The following C4orf50 variants were observed in gnomAD, a reference collection of about 807,000 sequenced individuals.
C4orf50 encodes the protein uncharacterized protein C4orf50.
Under a neutral mutation model 77.2 loss-of-function variants are expected in C4orf50, and 80 were observed. That is an observed-to-expected ratio of 1.04 (90% CI 0.87 to 1.25). The LOEUF is 1.25. C4orf50 is among the 50% of genes most tolerant of loss of function. The pLI is 0.00. For missense variants in C4orf50, 1,257 were observed against 1,152.9 expected (o/e 1.09, Z -1.31); for synonymous variants, 532 against 465.3 (o/e 1.14, Z -1.84).
At chr4:6,014,244 A>C (rs901203876) in intron 23 of C4orf50, among the ~76,000 whole-genome samples, 1 of 152,082 alleles carries the variant, frequency 6.6e-6, no homozygotes, top group Non-Finnish European at 1.5e-5. Flanking sequence ...TCAGGTGATC[A>C]GCCCGCCTGG....
intron 32 of C4orf50, among the ~76,000 whole-genome samples, chr4:5,965,390 C>G (rs553462818): frequency 2.0e-5 from 3 of 152,254 alleles, no homozygotes; most frequent in Non-Finnish European, 4.4e-5. Context: ...GCCTGCCTCA[C>G]CTTCCCCTAC....
rs555638832 is a variant in C4orf50 at position 6,009,933 on chromosome 4, T to C, written c.427-1401A>G. ...TTGTGATGAGTCTTTCCCGGGAGCA[T>C]ACACAGCACATGAGACAGATTTAAT... On this transcript the variant is annotated intron_variant, in intron 24 of 33. Transcript: ENST00000531445. This position sits in a 1 kb window ranked among gnomAD's most constrained non-coding sequence, Gnocchi z 5.6. 1.3e-5 allele frequency among the ~76,000 whole-genome samples: 2 copies of C among 152,224 alleles called. No homozygotes were observed. Among genetic ancestry groups the C allele is most frequent in the East Asian group, 3.9e-4 (2 of 5,178 alleles).
At chr4:5,991,790 G>A (rs1242757832) in intron 27 of C4orf50, among the ~76,000 whole-genome samples, 1 of 152,172 alleles carries the variant, frequency 6.6e-6, no homozygotes, top group Non-Finnish European at 1.5e-5. Flanking sequence ...TGACATACCA[G>A]CAGCAGAGCC....
exon 28 of C4orf50, chr4:5,988,634 G>A (rs1721024141): frequency 2.0e-6 from 3 of 1,536,120 alleles, no homozygotes; most frequent in Non-Finnish European, 2.6e-6. Flanking sequence ...CCTGTGAGTG[G>A]AGTCACCTGC....
At chr4:6,002,829 C>T (rs1242189560) in intron 25 of C4orf50, among the ~76,000 whole-genome samples, 1 of 152,216 alleles carries the variant, frequency 6.6e-6, no homozygotes, top group Non-Finnish European at 1.5e-5. Flanking sequence ...GGAATTACAT[C>T]GGGGCCTCAC....
intron 30 of C4orf50, among the ~76,000 whole-genome samples, chr4:5,975,139 C>CAAAAAAAAAAAAAAAAAAA (rs763836859): frequency 2.4e-5 from 2 of 82,872 alleles, no homozygotes; most frequent in African/African-American, 8.2e-5. Flanking sequence ...CACTCCATCT[C>CAAAAAAAAAAAAAAAAAAA]AAAAAAAAAA....
At position 5,992,783 on chromosome 4, in the gene C4orf50, C is replaced by A; in HGVS notation, c.1221+20G>T. 1 of 399,178 alleles carries A rather than the reference C, an allele frequency of 2.5e-6. No individual in the cohort carries two copies. Among genetic ancestry groups the A allele is most frequent in the African/African-American group, 2.1e-5 (1 of 48,780 alleles). 24.7% of individuals were successfully genotyped at this position (399,178 alleles called of 1,614,324 possible). A position where few individuals can be genotyped will look rare whatever the true frequency, so the allele number is the denominator to read the frequency against. On this transcript the variant is annotated intron_variant, in intron 27 of 33. Transcript: ENST00000531445. The surrounding 1 kb of genome is among the most constrained non-coding windows in gnomAD (Gnocchi z 5.0). Reference sequence around the variant, plus strand: ...GAACCAGTGGCACTGCACACACACGCAGAAAGCCTCTGGCCTCACCTGTTC... The same window carrying A: ...GAACCAGTGGCACTGCACACACACGAAGAAAGCCTCTGGCCTCACCTGTTC...
In C4orf50 at chr4:5,992,208, T is replaced by C. The variant is rs66813418; in HGVS notation, c.1221+595A>G. ...AATAAGAGATACATCGTGAGCAGGA[T>C]GTGAATGAATGAAGAGATGATGGAG... On this transcript the variant is annotated intron_variant, in intron 27 of 33. Transcript: ENST00000531445. The surrounding 1 kb of genome is among the most constrained non-coding windows in gnomAD (Gnocchi z 5.0). Among the ~76,000 whole-genome samples the C allele has an allele frequency of 0.19, 28,310 of 152,162 alleles. 2,819 individuals are homozygous for C. The highest frequency in any genetic ancestry group is 0.21 in the African/African-American group (8,741 of 41,498).
intron 7 of C4orf50, among the ~76,000 whole-genome samples, chr4:5,941,953 G>A (rs1420009937): frequency 6.6e-6 from 1 of 152,104 alleles, no homozygotes; most frequent in African/African-American, 2.4e-5. Flanking sequence ...TTTGGTTTCA[G>A]TCCCAAAAGC....
intron 7 of C4orf50, among the ~76,000 whole-genome samples, chr4:5,913,175 T>C (rs548781087): frequency 6.6e-6 from 1 of 152,358 alleles, no homozygotes; most frequent in African/African-American, 2.4e-5. Context: ...TTCCTCAGTT[T>C]TCCCATCTGT....
At chr4:5,914,149 G>T (rs1208741949) in intron 7 of C4orf50, among the ~76,000 whole-genome samples, 3 of 150,778 alleles carry the variant, frequency 2.0e-5, no homozygotes, top group Non-Finnish European at 4.4e-5. Context: ...TACCCGCAGG[G>T]ATAAAAAAGA....
exon 28 of C4orf50, chr4:5,989,532 G>A: frequency 3.3e-6 from 5 of 1,536,144 alleles, no homozygotes; most frequent in Non-Finnish European, 4.4e-6. Flanking sequence ...CAAAGCTCCA[G>A]TTCTCTCCCC....
chr4:5,921,435 G>C (rs1384230551), intron 7 of C4orf50, among the ~76,000 whole-genome samples: 1 of 152,224 alleles, frequency 6.6e-6, no homozygotes, highest in East Asian at 1.9e-4. Flanking sequence ...GTAGACGGTG[G>C]CACATGTTAT....
intron 29 of C4orf50, among the ~76,000 whole-genome samples, chr4:5,976,524 A>AGCCCTCTTCTGAGTCTCCAG (rs1720298828): frequency 2.0e-5 from 3 of 151,262 alleles, no homozygotes; most frequent in Non-Finnish European, 4.4e-5. Flanking sequence ...GCCAGCTCCA[A>AGCCCTCTTCTGAGTCTCCAG]GCCCTCTTCT....
chr4:5,966,614 G>A lies in C4orf50; in HGVS notation c.4153+800C>T, dbSNP rs560493248. On this transcript the variant is annotated intron_variant, in intron 32 of 33. Transcript: ENST00000531445. ...CAGATCAGATCCAGATGTGCACATC[G>A]AATTATACAGTTATAATTATATGAA... 8.0e-5 allele frequency among the ~76,000 whole-genome samples: 12 copies of A among 150,888 alleles called. No individual in the cohort carries two copies. The South Asian group carries it at 8.4e-4, about 11-fold the overall frequency.
At position 5,959,374 on chromosome 4, in the gene C4orf50, A is replaced by G. The variant is rs764708164; in HGVS notation, c.*1T>C. ...ATGGCTCCGGAGAATGAGTGGCCCT[A>G]TTACATTTCTAACTCCAGCGGTGAT... On this transcript the variant is annotated 3_prime_UTR_variant, in exon 34 of 34. Coordinates refer to ENST00000531445, the Ensembl canonical transcript of C4orf50. 3 of 1,612,806 alleles carry G rather than the reference A, an allele frequency of 1.9e-6. No individual in the cohort carries two copies. The highest frequency in any genetic ancestry group is 2.2e-5 in the South Asian group (2 of 91,042).
chr4:5,973,880 A>G, intron 30 of C4orf50, 39 bp from the exon 9 acceptor site: 1 of 1,523,450 alleles, frequency 6.6e-7, no homozygotes, highest in South Asian at 1.2e-5. Context: ...AGCTCCCACC[A>G]GGGCTGCATG....
chr4:5,939,109 C>T (rs946470500), intron 7 of C4orf50, among the ~76,000 whole-genome samples: 15 of 151,984 alleles, frequency 9.9e-5, no homozygotes, highest in African/African-American at 3.6e-4. Context: ...TGGGTGTTGG[C>T]GGGCACCTAT....
chr4:5,965,409 A>G (rs1224217316), intron 32 of C4orf50, among the ~76,000 whole-genome samples: 1 of 152,236 alleles, frequency 6.6e-6, no homozygotes, highest in Non-Finnish European at 1.5e-5. Flanking sequence ...ACCTGGCTGC[A>G]AGCTCATTCC....
Sources: gnomAD v4.1 joint callset for allele counts (sites outside exome capture counted in the v4.1 genomes callset) on GRCh38, gnomAD v4.1.1 for gene constraint, Gnocchi (gnomAD v3.1) non-coding constraint, MANE v1.5 for transcripts, NCBI Gene and HGNC (gene_info 2026-07-23, HGNC 2026-07-21) for gene names.